ATP5MF: variants seen among roughly 807,000 people sequenced by gnomAD.
ATP5MF encodes the protein ATP synthase F(0) complex subunit f, mitochondrial.
ATP5MF carries 10 observed loss-of-function variants against 13.8 expected under a neutral mutation model. The observed-to-expected ratio is 0.72, with a 90% CI of 0.45 to 1.23. The LOEUF is 1.23. ATP5MF is among the 50% of genes most tolerant of loss of function. The pLI is 0.00. For missense variants in ATP5MF, 122 were observed against 118.2 expected (o/e 1.03, Z -0.15); for synonymous variants, 40 against 45.8 (o/e 0.87, Z 0.51).
chr7:99,459,091 C>CA, intron 3 of ATP5MF, 56 bp downstream of exon 3: 1 of 1,353,178 alleles, frequency 7.4e-7, no homozygotes, highest in Non-Finnish European at 1.1e-6. Flanking sequence ...CTAATGAAAT[C>CA]AGTCACCACC....
intron 1 of ATP5MF, among the ~76,000 whole-genome samples, chr7:99,464,388 G>C (rs1798749543): frequency 6.6e-6 from 1 of 152,238 alleles, no homozygotes; most frequent in African/African-American, 2.4e-5. Flanking sequence ...CGGAGGCCGG[G>C]CGCAGTGGCT....
intron 3 of ATP5MF, among the ~76,000 whole-genome samples, chr7:99,458,731 C>G (rs1798453836): frequency 6.6e-6 from 1 of 152,158 alleles, no homozygotes; most frequent in South Asian, 2.1e-4. Context: ...CCACCGACAC[C>G]TCCCGCCAAT....
At chr7:99,464,956 C>T (rs932942557) in intron 1 of ATP5MF, among the ~76,000 whole-genome samples, 2 of 148,434 alleles carry the variant, frequency 1.3e-5, no homozygotes, top group Non-Finnish European at 3.0e-5. Context: ...CAGCGTGAGA[C>T]TCCATGTCAA....
In ATP5MF at chr7:99,458,264, G is replaced by T. The variant is rs1318358905; in HGVS notation, c.*63C>A. 9.3e-6 allele frequency: 14 copies of T among 1,509,120 alleles called. No individual in the cohort carries two copies. Among genetic ancestry groups the T allele is most frequent in the Admixed American group, 1.9e-5 (1 of 53,784 alleles). 93.5% of individuals were successfully genotyped at this position (1,509,120 alleles called of 1,614,324 possible). On this transcript the variant is annotated 3_prime_UTR_variant, in exon 4 of 4. Transcript: ENST00000292475. Reference sequence around the variant, plus strand: ...AAAGGATTCAGCAACGATTGAGATTGTGTTCCTCACGGAGGGGCTCGGGCC... The same window carrying T: ...AAAGGATTCAGCAACGATTGAGATTTTGTTCCTCACGGAGGGGCTCGGGCC...
chr7:99,459,309 G>C (rs1441247248), intron 2 of ATP5MF, 46 bp from the exon 3 acceptor site: 1 of 1,379,462 alleles, frequency 7.2e-7, no homozygotes, highest in East Asian at 2.3e-5. Flanking sequence ...CTTCACATTT[G>C]AGTGAAGTTG....
chr7:99,465,710 C>T (rs111989948), intron 1 of ATP5MF, among the ~76,000 whole-genome samples: 1,951 of 152,328 alleles, frequency 0.013, 38 homozygotes, highest in African/African-American at 0.044. Flanking sequence ...CAGTCCTAGT[C>T]CTGAGCTCCT....
Position 99,466,128 on chromosome 7 carries a change from C to G in ATP5MF, c.14G>C (p.Gly5Ala), listed in dbSNP as rs774879106. The G allele has an allele frequency of 1.9e-6, 3 of 1,614,200 alleles. No individual in the cohort carries two copies. Among genetic ancestry groups the G allele is most frequent in the East Asian group, 2.2e-5 (1 of 44,884 alleles). ...AGCCTTACCTGGGGCCGGACACTCA[C>G]CAACTGACGCCATTTTGGAGTCCTG... MASV[G>A]ECPAPVPVKD... Residue 5 changes from glycine to alanine, a missense_variant, in exon 1 of 4, where the codon GGT becomes GCT. Coordinates refer to ENST00000292475, the MANE Select transcript of ATP5MF (RefSeq NM_004889.5).
intron 1 of ATP5MF, among the ~76,000 whole-genome samples, chr7:99,463,312 A>G (rs1012256662): frequency 1.3e-5 from 2 of 152,258 alleles, no homozygotes; most frequent in African/African-American, 4.8e-5. Context: ...TGCAGGCCAC[A>G]TAAGGTCTTC....
At chr7:99,464,286 T>TATGCCC in intron 1 of ATP5MF, among the ~76,000 whole-genome samples, 1 of 152,374 alleles carries the variant, frequency 6.6e-6, no homozygotes. Flanking sequence ...CGAATGCTAT[T>TATGCCC]ATGCCCATTT....
In ATP5MF at chr7:99,460,852, G is replaced by C. The variant is rs573116496; in HGVS notation, c.32-659C>G. Among the ~76,000 whole-genome samples, 6 of 152,310 alleles carry C rather than the reference G, an allele frequency of 3.9e-5. No individual in the cohort carries two copies. In the South Asian group the frequency reaches 1.2e-3, roughly 32 times the overall value. ...GTTCACACAGCTGGCAGACTCACCA[G>C]ATGGGCCAGCCCGAGCAAGTATAAT... On this transcript the variant is annotated intron_variant, in intron 1 of 3. Transcript: ENST00000292475.
chr7:99,465,736 G>C (rs1798843555), intron 1 of ATP5MF, among the ~76,000 whole-genome samples: 1 of 152,182 alleles, frequency 6.6e-6, no homozygotes, highest in Admixed American at 6.5e-5. Flanking sequence ...AGCTTCATCT[G>C]AGCTTAAGCC....
intron 3 of ATP5MF, chr7:99,458,845 A>C (rs973938919): frequency 2.9e-6 from 1 of 349,234 alleles, no homozygotes; most frequent in African/African-American, 2.1e-5. Context: ...TGCATTGGCT[A>C]CTAGGAAAAT....
At position 99,459,990 on chromosome 7, in the gene ATP5MF, A is replaced by C. The variant is rs1169910368; in HGVS notation, c.139+96T>G. ...TCTACATAACTTACTGCTTTCAGAC[A>C]ACAAGGCCTTCATTGCCCAAATTAA... On this transcript the variant is annotated intron_variant, in intron 2 of 3. Coordinates refer to ENST00000292475, the MANE Select transcript of ATP5MF (RefSeq NM_004889.5). The C allele has an allele frequency of 8.7e-6, 12 of 1,385,242 alleles. No individual in the cohort carries two copies. The Admixed American group carries it at 2.5e-4, about 29-fold the overall frequency. The allele number at this position is 1,385,242 out of a possible 1,614,324, so 85.8% of individuals were successfully genotyped here. A position where few individuals can be genotyped will look rare whatever the true frequency, so the allele number is the denominator to read the frequency against.
chr7:99,461,448 A>C (rs1304470003), intron 1 of ATP5MF, among the ~76,000 whole-genome samples: 1 of 152,152 alleles, frequency 6.6e-6, no homozygotes, highest in Non-Finnish European at 1.5e-5. Context: ...GTGCCTTCTC[A>C]AAGATAACCA....
rs189826457 is a variant in ATP5MF, at chr7:99,463,596, C to T, written c.31+2515G>A. Among the ~76,000 whole-genome samples the T allele has an allele frequency of 4.8e-4, 73 of 152,090 alleles. 1 individual carries two copies. The highest frequency in any genetic ancestry group is 4.1e-3 in the Admixed American group (62 of 15,266). Reference sequence around the variant, plus strand: ...TCTGAGACCAGCCTGACCAAAATGGCGAAACCCCATCTCTACTAAAAATAC... The same window carrying T: ...TCTGAGACCAGCCTGACCAAAATGGTGAAACCCCATCTCTACTAAAAATAC... On this transcript the variant is annotated intron_variant, in intron 1 of 3. Coordinates refer to ENST00000292475, the MANE Select transcript of ATP5MF (RefSeq NM_004889.5).
intron 1 of ATP5MF, among the ~76,000 whole-genome samples, chr7:99,462,288 TAAA>T (rs755455949): frequency 9.7e-5 from 3 of 30,902 alleles, no homozygotes; most frequent in African/African-American, 1.3e-4. Context: ...CCATCACTAC[TAAA>T]AAAAAAAAAA....
Position 99,460,715 on chromosome 7 carries a change from G to A in ATP5MF, c.32-522C>T, listed in dbSNP as rs930942453. ...CCCTGTCCAACCCTGGGGATGTGTCGCTGGAGAACGTACAAGAGGGGATGT... is the reference window on the plus strand; with the variant it reads ...CCCTGTCCAACCCTGGGGATGTGTCACTGGAGAACGTACAAGAGGGGATGT... On this transcript the variant is annotated intron_variant, in intron 1 of 3. Transcript: ENST00000292475. Among the ~76,000 whole-genome samples the A allele has an allele frequency of 4.6e-5, 7 of 152,252 alleles. No homozygotes were observed. In the South Asian group the frequency reaches 8.3e-4, roughly 18 times the overall value.
intron 1 of ATP5MF, among the ~76,000 whole-genome samples, chr7:99,462,226 G>A (rs922016199): frequency 2.6e-4 from 37 of 141,936 alleles, no homozygotes; most frequent in Non-Finnish European, 4.8e-4. Context: ...GCTGAGGCGG[G>A]AAGATCCTGA....
chr7:99,463,259 A>C (rs933242199), intron 1 of ATP5MF, among the ~76,000 whole-genome samples: 18 of 152,238 alleles, frequency 1.2e-4, no homozygotes, highest in Non-Finnish European at 4.4e-5. Flanking sequence ...CTGAGTGCTA[A>C]ATCCAACCTG....
Sources: gnomAD v4.1 joint callset for allele counts (sites outside exome capture counted in the v4.1 genomes callset) on GRCh38, gnomAD v4.1.1 for gene constraint, MANE v1.5 for transcripts, NCBI Gene and HGNC (gene_info 2026-07-23, HGNC 2026-07-21) for gene names.